ADAMTSL1: variants seen among roughly 807,000 people sequenced by gnomAD.
ADAMTSL1 encodes the protein ADAMTS-like protein 1.
A neutral mutation model predicts 201.8 loss-of-function variants in ADAMTSL1; 126 were observed. That is an observed-to-expected ratio of 0.62 (90% CI 0.54 to 0.72). ADAMTSL1 has a LOEUF of 0.72. ADAMTSL1 is among the 30% of genes least tolerant of loss of function. The pLI is 0.00. For synonymous variants in ADAMTSL1, 1,121 were observed against 903.4 expected (o/e 1.24, Z -4.32); for missense variants, 2,679 against 2,277.8 (o/e 1.18, Z -3.59).
At chr9:18,004,658 T>C (rs975430038) in intron 1 of ADAMTSL1, among the ~76,000 whole-genome samples, 19 of 152,168 alleles carry the variant, frequency 1.2e-4, no homozygotes, top group Middle Eastern at 3.4e-3. Context: ...CTAGTAACAG[T>C]AGGGAAATGA....
In ADAMTSL1 at chr9:18,770,699, G is replaced by C; in HGVS notation, c.2315G>C (p.Cys772Ser). 6.2e-7 allele frequency: 1 copy of C among 1,613,776 alleles called. No homozygotes were observed. The highest frequency in any genetic ancestry group is 1.3e-5 in the African/African-American group (1 of 75,036). Reference sequence around the variant, plus strand: ...TTCCTGGAGCTTCCTGAGACCTTCTGTTCAGCTTCAAAACCTGCCTGCCAG... The same window carrying C: ...TTCCTGGAGCTTCCTGAGACCTTCTCTTCAGCTTCAAAACCTGCCTGCCAG... ...GSFLELPETFCSASKPACQQA... is the reference protein window; with the variant it reads ...GSFLELPETFSSASKPACQQA... Residue 772 changes from cysteine to serine, a missense_variant, in exon 17 of 29, where the codon TGT becomes TCT. By Grantham distance (112) the Cys-to-Ser change is moderately radical (BLOSUM62 -1). Coordinates refer to ENST00000380548, the MANE Select transcript of ADAMTSL1 (RefSeq NM_001040272.6).
At chr9:18,156,996 A>T (rs1360679543) in intron 1 of ADAMTSL1, among the ~76,000 whole-genome samples, 2 of 152,054 alleles carry the variant, frequency 1.3e-5, no homozygotes, top group Admixed American at 6.6e-5. Context: ...ATCATCTTAT[A>T]TATGTCAAGG....
rs567409315 is a variant in ADAMTSL1, at chr9:18,653,973, A to C, written c.835-3666A>C. Among the ~76,000 whole-genome samples the C allele has an allele frequency of 9.2e-5, 14 of 152,330 alleles. No individual in the cohort carries two copies. In the East Asian group the frequency reaches 2.7e-3, roughly 29 times the overall value. Reference sequence around the variant, plus strand: ...TTGGGTGTGGTGGCTCACGCCTGTAATCCCAACACTTTGGGAGGCCGAGGC... The same window carrying C: ...TTGGGTGTGGTGGCTCACGCCTGTACTCCCAACACTTTGGGAGGCCGAGGC... On this transcript the variant is annotated intron_variant, in intron 7 of 28. Coordinates refer to ENST00000380548, the MANE Select transcript of ADAMTSL1 (RefSeq NM_001040272.6).
intron 13 of ADAMTSL1, among the ~76,000 whole-genome samples, chr9:18,686,028 C>G (rs1214002051): frequency 6.6e-6 from 1 of 151,900 alleles, no homozygotes; most frequent in Non-Finnish European, 1.5e-5. Context: ...AATGAATTCT[C>G]TCACCTCAGC....
At chr9:18,782,246 T>C (rs1049914403) in intron 19 of ADAMTSL1, among the ~76,000 whole-genome samples, 3 of 152,238 alleles carry the variant, frequency 2.0e-5, no homozygotes, top group Non-Finnish European at 2.9e-5. Context: ...GAAAGAGGTA[T>C]GCATATTTAT....
At chr9:18,115,661 A>G (rs1825218874) in intron 1 of ADAMTSL1, among the ~76,000 whole-genome samples, 2 of 152,150 alleles carry the variant, frequency 1.3e-5, no homozygotes, top group South Asian at 4.1e-4. Flanking sequence ...AACCCTCATG[A>G]AATGGGCATG....
chr9:18,120,580 C>A (rs1825454990), intron 1 of ADAMTSL1, among the ~76,000 whole-genome samples: 1 of 152,096 alleles, frequency 6.6e-6, no homozygotes, highest in Non-Finnish European at 1.5e-5. Flanking sequence ...TGAAAAAGTT[C>A]TGTGTAATAC....
intron 9 of ADAMTSL1, among the ~76,000 whole-genome samples, chr9:18,666,820 G>C (rs914193234): frequency 1.3e-5 from 2 of 152,100 alleles, no homozygotes; most frequent in African/African-American, 4.8e-5. Flanking sequence ...AGCAGCTTTA[G>C]ATGTAAAATA....
chr9:18,301,444 T>A (rs1402710646), intron 2 of ADAMTSL1, among the ~76,000 whole-genome samples: 1 of 152,124 alleles, frequency 6.6e-6, no homozygotes, highest in Admixed American at 6.5e-5. Flanking sequence ...CCGCTGAGAG[T>A]ATCAAATCTT....
chr9:18,795,262 TG>T (rs1588123967), intron 19 of ADAMTSL1, 134 bp from the exon 20 acceptor site: 1 of 1,131,444 alleles, frequency 8.8e-7, no homozygotes, highest in African/African-American at 1.6e-5. Context: ...TGATTGTCCT[TG>T]TAGCTGGTTT....
chr9:18,235,876 T>G (rs1830829933), intron 2 of ADAMTSL1, among the ~76,000 whole-genome samples: 1 of 152,228 alleles, frequency 6.6e-6, no homozygotes, highest in South Asian at 2.1e-4. Context: ...GGGAATTCTT[T>G]AGCCTTCAGC....
chr9:18,275,429 C>G (rs1346718371), intron 2 of ADAMTSL1, among the ~76,000 whole-genome samples: 1 of 152,064 alleles, frequency 6.6e-6, no homozygotes. Context: ...GAATAGTCAT[C>G]CAACTATCAC....
chr9:18,036,022 G>A (rs1046173305), intron 1 of ADAMTSL1, among the ~76,000 whole-genome samples: 1 of 152,128 alleles, frequency 6.6e-6, no homozygotes, highest in African/African-American at 2.4e-5. Context: ...TGAGATGAGT[G>A]TTTTGTTCCA....
intron 3 of ADAMTSL1, among the ~76,000 whole-genome samples, chr9:18,548,690 A>T (rs1820618796): frequency 6.6e-6 from 1 of 152,106 alleles, no homozygotes; most frequent in African/African-American, 2.4e-5. Context: ...CTAGAACGTA[A>T]GTGACACAAA....
At chr9:18,344,352 T>C (rs1835603262) in intron 2 of ADAMTSL1, among the ~76,000 whole-genome samples, 1 of 152,174 alleles carries the variant, frequency 6.6e-6, no homozygotes. Context: ...AGATGGGATC[T>C]CGTTATGTTG....
intron 2 of ADAMTSL1, among the ~76,000 whole-genome samples, chr9:18,203,487 A>G (rs528946463): frequency 6.6e-6 from 1 of 151,658 alleles, no homozygotes; most frequent in Non-Finnish European, 1.5e-5. Context: ...TAACTGTACC[A>G]AAAAGCCTAG....
intron 23 of ADAMTSL1, among the ~76,000 whole-genome samples, chr9:18,830,764 G>A (rs536785472): frequency 7.2e-5 from 11 of 152,106 alleles, no homozygotes; most frequent in Non-Finnish European, 1.5e-4. Context: ...ACATGTGCAG[G>A]GACAGGGAAT....
At chr9:18,700,982 A>G (rs1831888524) in intron 13 of ADAMTSL1, among the ~76,000 whole-genome samples, 1 of 152,194 alleles carries the variant, frequency 6.6e-6, no homozygotes, top group African/African-American at 2.4e-5. Flanking sequence ...TGAATGCCCA[A>G]ATGAATTTAC....
chr9:18,781,103 C>T (rs1417289793), intron 19 of ADAMTSL1, among the ~76,000 whole-genome samples: 1 of 152,098 alleles, frequency 6.6e-6, no homozygotes, highest in Non-Finnish European at 1.5e-5. Context: ...GAGTCTAACT[C>T]CAATGGCTTT....
Sources: allele counts gnomAD v4.1 joint callset (sites outside exome capture counted in the v4.1 genomes callset), GRCh38; gene constraint gnomAD v4.1.1; transcripts MANE v1.5; gene names NCBI Gene and HGNC (gene_info 2026-07-23, HGNC 2026-07-21).